Variants in NBPF3 observed in about 807,000 individuals in gnomAD.
NBPF3 encodes NBPF member 3.
NBPF3 carries 57 observed loss-of-function variants against 78.1 expected under a neutral mutation model. The observed-to-expected ratio is 0.73, with a 90% confidence interval of 0.59 to 0.91. NBPF3 has a LOEUF of 0.91. Among genes scored for constraint, NBPF3 ranks in the 40% least tolerant of loss-of-function variants. NBPF3 has a pLI of 0.00. For synonymous variants in NBPF3, 182 were observed against 271.7 expected, an observed-to-expected ratio of 0.67 and a Z score of 3.25; for missense variants, 510 against 715.3, an observed-to-expected ratio of 0.71 and a Z score of 3.27.
chr1:21,453,086 A>G (rs1238462978), intron 2 of NBPF3, among the ~76,000 whole-genome samples: 8 of 152,014 alleles, frequency 5.3e-5, no homozygotes, highest in Non-Finnish European at 1.2e-4. Flanking sequence ...CCACAGATCC[A>G]CTGTCCGCTC....
Position 21,471,667 on chromosome 1 carries a change from A to G in NBPF3, c.545A>G (p.His182Arg), listed in dbSNP as rs1452352337. 3.7e-6 allele frequency: 6 copies of G among 1,613,210 alleles called. No individual in the cohort carries two copies. Among genetic ancestry groups the G allele is most frequent in the African/African-American group, 1.3e-5 (1 of 74,874 alleles). ...GRDASRSLNQ[H>R]LQALLTPDEP... ...GATGCCTCCCGCTCATTGAATCAGC[A>G]TCTCCAGGCCCTCCTCACTCCGGAT... The change falls in exon 5 of 15, where the codon CAT becomes CGT. Residue 182 changes from histidine (H) to arginine (R), a missense_variant. By Grantham distance (29) the His-to-Arg change is conservative. Coordinates refer to ENST00000318249, the MANE Select transcript of NBPF3 (RefSeq NM_032264.6).
rs181323517 is a variant in NBPF3, at chr1:21,443,439, T to C, written c.-139-1509T>C. On this transcript the variant is annotated intron_variant, in intron 1 of 14. Coordinates refer to ENST00000318249, the MANE Select transcript of NBPF3 (RefSeq NM_032264.6). The stretch of plus-strand genomic sequence containing the variant: ...TATTTATTTGTCTTTTTGAAGTTTT[T>C]ACAATCTTCCTGTCAAGGCAGTAAC... Among the ~76,000 whole-genome samples, 5 of 152,320 alleles carry C rather than the reference T, an allele frequency of 3.3e-5. No homozygotes were observed. The East Asian group carries it at 9.6e-4, about 29-fold the overall frequency.
At chr1:21,471,095 C>T (rs1359436818) in intron 4 of NBPF3, among the ~76,000 whole-genome samples, 4 of 152,108 alleles carry the variant, frequency 2.6e-5, no homozygotes, top group East Asian at 1.9e-4. Context: ...TGACTGACTG[C>T]GGCTTCTCAT....
At chr1:21,478,823 C>G (rs1350576417) in intron 9 of NBPF3, among the ~76,000 whole-genome samples, 2 of 152,198 alleles carry the variant, frequency 1.3e-5, no homozygotes, top group Admixed American at 6.5e-5. Context: ...CATAGCTCAT[C>G]TGTCCATCAT....
chr1:21,443,841 G>T (rs1237154232), intron 1 of NBPF3, among the ~76,000 whole-genome samples: 1 of 152,112 alleles, frequency 6.6e-6, no homozygotes, highest in Non-Finnish European at 1.5e-5. Flanking sequence ...AAACTCCTGG[G>T]CTGAAATGAT....
At chr1:21,453,038 T>C (rs1391707296) in intron 2 of NBPF3, among the ~76,000 whole-genome samples, 1 of 152,188 alleles carries the variant, frequency 6.6e-6, no homozygotes, top group African/African-American at 2.4e-5. Flanking sequence ...TTAGCTAGTA[T>C]TCTCCTTTTG....
At chr1:21,473,326 TC>T in intron 6 of NBPF3, 53 bp from the exon 7 acceptor site, 1 of 1,583,934 alleles carries the variant, frequency 6.3e-7, no homozygotes, top group Admixed American at 1.7e-5. Context: ...CTCCCTGGTG[TC>T]CAATCCCTCT....
upstream of NBPF3, among the ~76,000 whole-genome samples, chr1:21,438,071 G>A (rs1402368776): frequency 6.6e-6 from 1 of 150,984 alleles, no homozygotes; most frequent in African/African-American, 2.4e-5. Flanking sequence ...CCTCCCGCCT[G>A]GGCCTTCTAA....
Position 21,478,151 on chromosome 1 carries a change from C to A in NBPF3, c.1000C>A (p.Gln334Lys). ...TCCTGCCTGGCTCATCAGGAATCTGCAGGAGTCTGAAGAGGAGGAAGCCCC... is the reference window on the plus strand; with the variant it reads ...TCCTGCCTGGCTCATCAGGAATCTGAAGGAGTCTGAAGAGGAGGAAGCCCC... ...EKGPVSPRNLQESEEEEAPQE... is the reference protein window; with the variant it reads ...EKGPVSPRNLKESEEEEAPQE... Residue 334 changes from glutamine (Q) to lysine (K), a missense_variant, in exon 9 of 15, where the codon CAG becomes AAG. Gln to Lys is a moderately conservative substitution (Grantham distance 53). Around this residue, in one of 5 missense-constraint regions of NBPF3, gnomAD observed 440 missense variants for 478.2 expected, o/e 0.92. Transcript: ENST00000318249. 1 of 1,613,978 alleles carries A rather than the reference C, an allele frequency of 6.2e-7. No individual in the cohort carries two copies. Among genetic ancestry groups the A allele is most frequent in the South Asian group, 1.1e-5 (1 of 91,062 alleles).
upstream of NBPF3, chr1:21,437,516 A>C (rs1179039641): frequency 1.4e-6 from 2 of 1,436,512 alleles, no homozygotes; most frequent in Admixed American, 4.2e-5. Context: ...GCGGAGAGCC[A>C]AGAAGCTCCT....
In NBPF3 at chr1:21,484,127, G is replaced by T. The variant is rs1438925917; in HGVS notation, c.*741G>T. 1.5e-5 allele frequency: 1 copy of T among 67,800 alleles called. No homozygotes were observed. Among genetic ancestry groups the T allele is most frequent in the Admixed American group, 1.9e-4 (1 of 5,286 alleles). 4.2% of individuals were successfully genotyped at this position (67,800 alleles called of 1,614,324 possible). A position where few individuals can be genotyped will look rare whatever the true frequency, so the allele number is the denominator to read the frequency against. On this transcript the variant is annotated 3_prime_UTR_variant, in exon 15 of 15. Transcript: ENST00000318249. ...ATATGAACAATGCCATGTTCTTGCA[G>T]AAAATGCTTAGCCTGAGTTTCATAG...
In NBPF3 at chr1:21,476,523, C is replaced by A. The variant is rs1642897026; in HGVS notation, c.992+1572C>A. On this transcript the variant is annotated intron_variant, in intron 8 of 14. Transcript: ENST00000318249. This position sits in a 1 kb window ranked among gnomAD's most constrained non-coding sequence, Gnocchi z 4.1. Reference sequence around the variant, plus strand: ...CTTGTCTGTAAAGGATTTTATTTCTCCTTCACTTTTGAAGCTTAGTTTCGC... The same window carrying A: ...CTTGTCTGTAAAGGATTTTATTTCTACTTCACTTTTGAAGCTTAGTTTCGC... 6.6e-6 allele frequency among the ~76,000 whole-genome samples: 1 copy of A among 152,162 alleles called. No individual in the cohort carries two copies. The highest frequency in any genetic ancestry group is 1.5e-5 in the Non-Finnish European group (1 of 68,028).
chr1:21,480,631 C>G (rs941908404), intron 11 of NBPF3, among the ~76,000 whole-genome samples: 2 of 152,310 alleles, frequency 1.3e-5, no homozygotes, highest in Non-Finnish European at 2.9e-5. Flanking sequence ...TAGAAATCAT[C>G]TGGGGCATTT....
At chr1:21,465,636 G>A (rs1469277285) in intron 2 of NBPF3, among the ~76,000 whole-genome samples, 1 of 152,224 alleles carries the variant, frequency 6.6e-6, no homozygotes, top group Admixed American at 6.5e-5. Flanking sequence ...CGGGACACAT[G>A]CCTGTCGCAG....
At chr1:21,481,390 CT>C (rs1309335451) in intron 12 of NBPF3, among the ~76,000 whole-genome samples, 2,393 of 23,680 alleles carry the variant, frequency 0.1, 29 homozygotes, top group Middle Eastern at 0.35. Flanking sequence ...CTCTCTGCCT[CT>C]GTCTCTCTGT....
At chr1:21,452,608 T>C (rs1641375937) in intron 2 of NBPF3, among the ~76,000 whole-genome samples, 1 of 152,200 alleles carries the variant, frequency 6.6e-6, no homozygotes, top group African/African-American at 2.4e-5. Context: ...CCCCGTCAGT[T>C]TAAATTCAGG....
intron 7 of NBPF3, among the ~76,000 whole-genome samples, chr1:21,473,850 C>G (rs1479886028): frequency 6.6e-6 from 1 of 152,184 alleles, no homozygotes; most frequent in African/African-American, 2.4e-5. Flanking sequence ...TCTGTGAGGC[C>G]TCGTACCTTT....
Position 21,483,155 on chromosome 1 carries a change from G to A in NBPF3, c.1671G>A (p.Val557=), listed in dbSNP as rs1405415312. 6.2e-7 allele frequency: 1 copy of A among 1,611,094 alleles called. No individual in the cohort carries two copies. Among genetic ancestry groups the A allele is most frequent in the Non-Finnish European group, 8.5e-7 (1 of 1,179,308 alleles). Residue 557 remains valine, a synonymous_variant, in exon 15 of 15, where the codon GTG becomes GTA. Coordinates refer to ENST00000318249, the MANE Select transcript of NBPF3 (RefSeq NM_032264.6). ...QKPPCPRLNE[V]LMEAEEPEVL... ...TCTCCTTTTCCAGGCTCAACGAGGT[G>A]CTGATGGAAGCAGAAGAGCCTGAAG...
chr1:21,447,519 C>T (rs780442013), intron 2 of NBPF3, among the ~76,000 whole-genome samples: 1 of 152,178 alleles, frequency 6.6e-6, no homozygotes. Context: ...TGTGGGTTTC[C>T]AGACTGGCTT....
Sources: gnomAD v4.1 joint callset for allele counts (sites outside exome capture counted in the v4.1 genomes callset) on GRCh38, gnomAD v4.1.1 for gene constraint, gnomAD v4.1.1 regional missense constraint, Gnocchi (gnomAD v3.1) non-coding constraint, MANE v1.5 for transcripts, NCBI Gene and HGNC (gene_info 2026-07-23, HGNC 2026-07-21) for gene names.